The following PLCL1 variants were observed in gnomAD, a reference collection of about 807,000 sequenced individuals.
The protein encoded by PLCL1 is inactive phospholipase C-like protein 1.
Under a neutral mutation model 84.4 loss-of-function variants are expected in PLCL1, and 41 were observed. That is an observed-to-expected ratio of 0.49 (90% confidence interval 0.38 to 0.63). The LOEUF (loss-of-function observed/expected upper bound fraction) is 0.63. Ranked by LOEUF, PLCL1 falls within the 30% of genes least tolerant of loss-of-function variation. PLCL1 has a pLI of 0.00. For missense variants in PLCL1, 1,206 were observed against 1,367.8 expected (o/e 0.88, Z 1.87); for synonymous variants, 490 against 488.3 (o/e 1.00, Z -0.05).
At chr2:198,072,281 A>C (rs1692481853) in intron 1 of PLCL1, among the ~76,000 whole-genome samples, 1 of 151,878 alleles carries the variant, frequency 6.6e-6, no homozygotes, top group African/African-American at 2.4e-5. Flanking sequence ...TTATGTTTAG[A>C]AACAGGTTGG....
intron 1 of PLCL1, among the ~76,000 whole-genome samples, chr2:197,848,433 T>C (rs1687161549): frequency 6.6e-6 from 1 of 152,188 alleles, no homozygotes; most frequent in Non-Finnish European, 1.5e-5. Flanking sequence ...AGATAGCTTT[T>C]TCATAGGCTT....
At chr2:197,993,914 C>T (rs1690401776) in intron 1 of PLCL1, among the ~76,000 whole-genome samples, 1 of 152,146 alleles carries the variant, frequency 6.6e-6, no homozygotes, top group Admixed American at 6.5e-5. Context: ...AGTGGAATTC[C>T]TCTTTGGTCC....
At chr2:197,975,116 C>T (rs555977353) in intron 1 of PLCL1, among the ~76,000 whole-genome samples, 17 of 141,582 alleles carry the variant, frequency 1.2e-4, no homozygotes, top group African/African-American at 4.3e-4. Context: ...AGTCCGCAGT[C>T]CGGCCTGGGC....
intron 1 of PLCL1, 130 bp from the exon 2 acceptor site, chr2:198,083,628 T>A: frequency 1.7e-6 from 1 of 598,958 alleles, no homozygotes; most frequent in Non-Finnish European, 2.8e-6. Context: ...AGTGAAAATG[T>A]AAACTTTAGG....
At chr2:197,806,283 T>C (rs1162361947) in intron 1 of PLCL1, among the ~76,000 whole-genome samples, 1 of 152,212 alleles carries the variant, frequency 6.6e-6, no homozygotes, top group Non-Finnish European at 1.5e-5. Flanking sequence ...TGTAAGTATA[T>C]ATGTGTGTGT....
intron 1 of PLCL1, among the ~76,000 whole-genome samples, chr2:197,970,768 A>G (rs1240707324): frequency 1.3e-5 from 2 of 152,192 alleles, no homozygotes; most frequent in African/African-American, 4.8e-5. Flanking sequence ...AACATCCAAC[A>G]GTGTCTGGGA....
chr2:198,143,022 C>T (rs1215429413), intron 5 of PLCL1, among the ~76,000 whole-genome samples: 1 of 152,054 alleles, frequency 6.6e-6, no homozygotes, highest in East Asian at 1.9e-4. Flanking sequence ...AATGAATTCT[C>T]CTGGGGTTCC....
intron 5 of PLCL1, among the ~76,000 whole-genome samples, chr2:198,121,344 T>C (rs1693862557): frequency 6.6e-6 from 1 of 152,104 alleles, no homozygotes; most frequent in South Asian, 2.1e-4. Flanking sequence ...CCAGTTTTGC[T>C]TTGGTTTCTT....
chr2:197,931,737 CT>C (rs2105765949), intron 1 of PLCL1, among the ~76,000 whole-genome samples: 1 of 135,620 alleles, frequency 7.4e-6, no homozygotes, highest in Non-Finnish European at 1.5e-5. Flanking sequence ...ATGATCTAAC[CT>C]TTTCATAGGA....
intron 5 of PLCL1, among the ~76,000 whole-genome samples, chr2:198,114,142 A>G (rs1245014578): frequency 6.6e-6 from 1 of 151,940 alleles, no homozygotes; most frequent in African/African-American, 2.4e-5. Context: ...GCTCTTATCC[A>G]ACAATATAGG....
intron 1 of PLCL1, among the ~76,000 whole-genome samples, chr2:197,896,290 G>C (rs1559038209): frequency 1.3e-5 from 2 of 151,714 alleles, no homozygotes; most frequent in Non-Finnish European, 2.9e-5. Flanking sequence ...CAAACTCTTA[G>C]CTTAAAAACA....
chr2:198,098,819 A>G (rs921768403), intron 3 of PLCL1, among the ~76,000 whole-genome samples: 5 of 152,194 alleles, frequency 3.3e-5, no homozygotes, highest in Non-Finnish European at 7.3e-5. Flanking sequence ...TCTTCACAAA[A>G]GCTGGACAAT....
At chr2:197,969,227 A>G (rs1574974648) in intron 1 of PLCL1, among the ~76,000 whole-genome samples, 2 of 152,230 alleles carry the variant, frequency 1.3e-5, no homozygotes, top group South Asian at 4.1e-4. Flanking sequence ...AAGTTTGGCG[A>G]CCACTGATTT....
chr2:198,101,002 C>T (rs530909836), intron 3 of PLCL1, among the ~76,000 whole-genome samples: 1 of 152,134 alleles, frequency 6.6e-6, no homozygotes, highest in Admixed American at 6.6e-5. Flanking sequence ...TGACCTGGGA[C>T]ATAAGGAATG....
intron 1 of PLCL1, among the ~76,000 whole-genome samples, chr2:197,813,665 G>A (rs1270347718): frequency 1.3e-5 from 2 of 151,954 alleles, no homozygotes; most frequent in African/African-American, 2.4e-5. Flanking sequence ...GCATTGTTTT[G>A]AGCATTAACG....
intron 1 of PLCL1, among the ~76,000 whole-genome samples, chr2:197,832,183 A>C (rs1321263815): frequency 6.6e-6 from 1 of 152,166 alleles, no homozygotes; most frequent in Non-Finnish European, 1.5e-5. Flanking sequence ...ATAGAGCCAC[A>C]AAAAACCCTT....
At chr2:198,093,272 C>T (rs1693097463) in intron 3 of PLCL1, among the ~76,000 whole-genome samples, 1 of 152,092 alleles carries the variant, frequency 6.6e-6, no homozygotes, top group South Asian at 2.1e-4. Context: ...AAAGAGTCAA[C>T]CCTAATGTCA....
intron 1 of PLCL1, among the ~76,000 whole-genome samples, chr2:197,851,310 A>G (rs1687231699): frequency 1.3e-5 from 2 of 152,242 alleles, no homozygotes; most frequent in Admixed American, 1.3e-4. Flanking sequence ...GAGCAGTTCT[A>G]CATACATAGA....
rs140483016 is a variant in PLCL1, at chr2:197,814,943, G to T, written c.240+9604G>T. The stretch of plus-strand genomic sequence containing the variant: ...GAAGAAAAGTTGGAAGCTAGCAGAG[G>T]TTGGTTTATGAGGTTTAAGGAAGGA... On this transcript the variant is annotated intron_variant, in intron 1 of 5. Transcript: ENST00000428675. Among the ~76,000 whole-genome samples, 709 of 152,288 alleles carry T rather than the reference G, an allele frequency of 4.7e-3. 4 individuals are homozygous for T. Among genetic ancestry groups the T allele is most frequent in the Middle Eastern group, 0.01 (3 of 294 alleles).
Sources: gnomAD v4.1 joint callset for allele counts (sites outside exome capture counted in the v4.1 genomes callset) on GRCh38, gnomAD v4.1.1 for gene constraint, MANE v1.5 for transcripts, NCBI Gene and HGNC (gene_info 2026-07-23, HGNC 2026-07-21) for gene names.